Variants in GALNTL6 observed in about 807,000 individuals in gnomAD.
GALNTL6 encodes polypeptide N-acetylgalactosaminyltransferase like 6, also known as polypeptide N-acetylgalactosaminyltransferase-like 6.
In GALNTL6, 46 loss-of-function variants were observed where a neutral mutation model predicts 73.7. That is an observed-to-expected ratio of 0.62 (90% CI 0.49 to 0.80). The LOEUF (loss-of-function observed/expected upper bound fraction) is 0.80, where lower values mean the gene tolerates loss of function less well. Ranked by LOEUF, GALNTL6 falls within the 30% of genes least tolerant of loss-of-function variation. The pLI, the probability that GALNTL6 is intolerant of heterozygous loss-of-function variation, is 0.00. For synonymous variants in GALNTL6, 259 were observed against 263.7 expected, an observed-to-expected ratio of 0.98 and a Z score of 0.17; for missense variants, 604 against 755.0, an observed-to-expected ratio of 0.80 and a Z score of 2.34.
At chr4:171,898,301 T>G (rs534601586) in intron 2 of GALNTL6, among the ~76,000 whole-genome samples, 1 of 152,234 alleles carries the variant, frequency 6.6e-6, no homozygotes, top group African/African-American at 2.4e-5. Context: ...CACATTGAAG[T>G]AGTTTGACAT....
At chr4:172,516,747 C>G (rs1734620193) in intron 5 of GALNTL6, among the ~76,000 whole-genome samples, 1 of 152,110 alleles carries the variant, frequency 6.6e-6, no homozygotes, top group Non-Finnish European at 1.5e-5. Context: ...TTTATAGCAT[C>G]ATTAGTCATA....
At chr4:172,873,816 A>G (rs914963959) in intron 7 of GALNTL6, among the ~76,000 whole-genome samples, 4 of 152,198 alleles carry the variant, frequency 2.6e-5, no homozygotes, top group Admixed American at 6.5e-5. Flanking sequence ...CGTACAGTAT[A>G]AATTTATTAA....
intron 5 of GALNTL6, among the ~76,000 whole-genome samples, chr4:172,608,086 A>G (rs1738376863): frequency 6.6e-6 from 1 of 151,680 alleles, no homozygotes; most frequent in Non-Finnish European, 1.5e-5. Context: ...ATTCTGTTCT[A>G]TTTACTCTTT....
chr4:172,582,432 C>T (rs373159557), intron 5 of GALNTL6, among the ~76,000 whole-genome samples: 4 of 152,164 alleles, frequency 2.6e-5, no homozygotes, highest in African/African-American at 9.7e-5. Flanking sequence ...CTGTGAATTT[C>T]AAGTCCCTCA....
chr4:172,041,301 GAAA>G (rs58667716), intron 2 of GALNTL6, among the ~76,000 whole-genome samples: 1,532 of 152,114 alleles, frequency 0.01, 23 homozygotes, highest in African/African-American at 0.035. Context: ...CCTTTTCTTT[GAAA>G]TCATCTTATT....
intron 7 of GALNTL6, among the ~76,000 whole-genome samples, chr4:172,859,700 G>A (rs567308047): frequency 1.3e-5 from 2 of 152,232 alleles, no homozygotes; most frequent in African/African-American, 4.8e-5. Context: ...GCCAGCAAGC[G>A]AACAAAACTT....
At chr4:172,798,687 A>G (rs1403505110) in intron 5 of GALNTL6, among the ~76,000 whole-genome samples, 1 of 152,232 alleles carries the variant, frequency 6.6e-6, no homozygotes, top group Non-Finnish European at 1.5e-5. Context: ...CAAGCTATGA[A>G]TGTGCACGTA....
rs556384437 is a variant in GALNTL6, at chr4:173,021,596, A to T, written c.1609A>T (p.Lys537Ter). ...PVTLYDCHGM[K>*]GNQLWGYRKD... is the part of the protein sequence containing the mutation. ...TACACTCTATGACTGTCATGGCATGAAGGGGAACCAGCTCTGGGGATACCG... is the reference window on the plus strand; with the variant it reads ...TACACTCTATGACTGTCATGGCATGTAGGGGAACCAGCTCTGGGGATACCG... Residue 537 changes from lysine to a stop codon, truncating the protein, a stop_gained, in exon 12 of 13, where the codon AAG (lysine) becomes TAG (stop). Transcript: ENST00000506823. LOFTEE classifies it high-confidence loss of function. The T allele has an allele frequency of 6.2e-7, 1 of 1,614,148 alleles. No homozygotes were observed. The highest frequency in any genetic ancestry group is 1.3e-5 in the African/African-American group (1 of 75,048).
chr4:172,046,352 C>T (rs531192625), intron 2 of GALNTL6, among the ~76,000 whole-genome samples: 11 of 152,178 alleles, frequency 7.2e-5, no homozygotes, highest in African/African-American at 2.4e-4. Flanking sequence ...ATGTGCACAA[C>T]GTACAGGTTT....
chr4:173,027,037 G>A (rs1753261049), intron 12 of GALNTL6, among the ~76,000 whole-genome samples: 1 of 152,172 alleles, frequency 6.6e-6, no homozygotes. Context: ...AGCCAAGCTG[G>A]AGTGCAGTGG....
chr4:172,545,130 T>C (rs2110884409), intron 5 of GALNTL6, among the ~76,000 whole-genome samples: 1 of 152,274 alleles, frequency 6.6e-6, no homozygotes, highest in East Asian at 1.9e-4. Context: ...GTAACATGAT[T>C]TATAATAATT....
At chr4:172,882,124 T>C (rs1042487472) in intron 7 of GALNTL6, among the ~76,000 whole-genome samples, 33 of 152,250 alleles carry the variant, frequency 2.2e-4, no homozygotes, top group African/African-American at 7.7e-4. Flanking sequence ...CTGAAATGCA[T>C]CCTAGCAGGA....
In GALNTL6 at chr4:172,716,214, A is replaced by G. The variant is rs903510177; in HGVS notation, c.554-93147A>G. 2.6e-5 allele frequency among the ~76,000 whole-genome samples: 4 copies of G among 152,136 alleles called. No homozygotes were observed. In the South Asian group the frequency reaches 8.3e-4, roughly 32 times the overall value. On this transcript the variant is annotated intron_variant, in intron 5 of 12. Coordinates refer to ENST00000506823, the MANE Select transcript of GALNTL6 (RefSeq NM_001034845.3). The stretch of plus-strand genomic sequence containing the variant: ...CCATCCTATGCACATCCTAGACAGA[A>G]AAACCCACACAACAATAGCTAGCTA...
At chr4:173,029,951 C>A (rs1360141623) in intron 12 of GALNTL6, among the ~76,000 whole-genome samples, 1 of 152,196 alleles carries the variant, frequency 6.6e-6, no homozygotes, top group African/African-American at 2.4e-5. Context: ...CTCTATCATA[C>A]AGCAGAGGTA....
chr4:172,091,883 G>C (rs1353490659), intron 2 of GALNTL6, among the ~76,000 whole-genome samples: 1 of 152,222 alleles, frequency 6.6e-6, no homozygotes, highest in Admixed American at 6.5e-5. Context: ...AAACAAAAAA[G>C]TCATAAATAT....
intron 5 of GALNTL6, among the ~76,000 whole-genome samples, chr4:172,802,657 G>A (rs1740714056): frequency 6.6e-6 from 1 of 152,046 alleles, no homozygotes; most frequent in Non-Finnish European, 1.5e-5. Context: ...AATAAAATTA[G>A]CCAGGCATGG....
intron 3 of GALNTL6, among the ~76,000 whole-genome samples, chr4:172,280,321 T>A (rs1417453732): frequency 1.3e-5 from 2 of 152,282 alleles, no homozygotes; most frequent in East Asian, 3.9e-4. Flanking sequence ...ATGGAAGAAC[T>A]TTCCCCAGCC....
At chr4:172,159,040 G>A (rs758048823) in intron 2 of GALNTL6, among the ~76,000 whole-genome samples, 9 of 152,124 alleles carry the variant, frequency 5.9e-5, no homozygotes, top group African/African-American at 2.2e-4. Context: ...TGCCATAGAA[G>A]TTCATTTTTT....
chr4:172,376,208 A>G (rs1743023835), intron 5 of GALNTL6, among the ~76,000 whole-genome samples: 1 of 152,194 alleles, frequency 6.6e-6, no homozygotes, highest in South Asian at 2.1e-4. Context: ...AGAAAATAGA[A>G]AATCACCAGA....
Sources: gnomAD v4.1 joint callset for allele counts (sites outside exome capture counted in the v4.1 genomes callset) on GRCh38, gnomAD v4.1.1 for gene constraint, MANE v1.5 for transcripts, NCBI Gene and HGNC (gene_info 2026-07-23, HGNC 2026-07-21) for gene names.